Variants in AKAP6 observed in about 807,000 individuals in gnomAD.
The protein encoded by AKAP6 is A-kinase anchor protein 6.
Under a neutral mutation model 188.5 loss-of-function variants are expected in AKAP6, and 58 were observed. The observed-to-expected ratio is 0.31, with a 90% CI of 0.25 to 0.38. The LOEUF is 0.38. Ranked by LOEUF, AKAP6 falls within the 10% of genes least tolerant of loss-of-function variation. The pLI, the probability that AKAP6 is intolerant of heterozygous loss-of-function variation, is 1.00. For synonymous variants in AKAP6, 989 were observed against 998.6 expected (o/e 0.99, Z 0.18); for missense variants, 2,710 against 2,740.0 (o/e 0.99, Z 0.24).
chr14:32,449,768 T>C lies in AKAP6; in HGVS notation c.324+15951T>C, dbSNP rs566751258. Among the ~76,000 whole-genome samples, 16 of 152,290 alleles carry C rather than the reference T, an allele frequency of 1.1e-4. No individual in the cohort carries two copies. In the South Asian group the frequency reaches 3.3e-3, roughly 32 times the overall value. The stretch of plus-strand genomic sequence containing the variant: ...CTGCTAAAATAGTGGAAGGTATTCT[T>C]GAAACTAGATTGGGGCTGTCTTCCA... On this transcript the variant is annotated intron_variant, in intron 2 of 13. Coordinates refer to ENST00000280979, the MANE Select transcript of AKAP6 (RefSeq NM_004274.5).
chr14:32,814,010 TCTC>T (rs530304838), intron 12 of AKAP6, among the ~76,000 whole-genome samples: 67 of 152,132 alleles, frequency 4.4e-4, no homozygotes, highest in Non-Finnish European at 7.9e-4. Flanking sequence ...CCAATTGTGT[TCTC>T]CTTCCAAGAC....
intron 12 of AKAP6, among the ~76,000 whole-genome samples, chr14:32,797,222 T>A (rs1594955167): frequency 1.3e-5 from 2 of 152,186 alleles, no homozygotes; most frequent in East Asian, 3.8e-4. Context: ...AGTGTGGCAA[T>A]TCCTCAAAGA....
chr14:32,821,785 C>T lies in AKAP6; in HGVS notation c.3972C>T (p.Leu1324=), dbSNP rs753210843. ...MTQPNVLTKS[L]SKDSSFSSTK... is the part of the protein sequence containing the mutation. Reference sequence around the variant, plus strand: ...AGCCTAATGTTTTAACTAAGAGTCTCAGTAAAGACTCTTCATTTTCATCTA... The same window carrying T: ...AGCCTAATGTTTTAACTAAGAGTCTTAGTAAAGACTCTTCATTTTCATCTA... The change falls in exon 13 of 14, where the codon CTC becomes CTT. Residue 1324 remains leucine, a synonymous_variant. Transcript: ENST00000280979. 11 of 1,613,748 alleles carry T rather than the reference C, an allele frequency of 6.8e-6. No individual in the cohort carries two copies. Among genetic ancestry groups the T allele is most frequent in the Non-Finnish European group, 9.3e-6 (11 of 1,179,876 alleles).
chr14:32,802,418 AG>A (rs1410562561), intron 12 of AKAP6, among the ~76,000 whole-genome samples: 2 of 152,250 alleles, frequency 1.3e-5, no homozygotes, highest in African/African-American at 2.4e-5. Context: ...TAAATACAAA[AG>A]GTTACTAAAC....
At chr14:32,455,256 C>G (rs925291436) in intron 2 of AKAP6, among the ~76,000 whole-genome samples, 2 of 152,020 alleles carry the variant, frequency 1.3e-5, no homozygotes, top group Non-Finnish European at 2.9e-5. Context: ...GTGTGAGCCA[C>G]CATGCCTGGC....
intron 7 of AKAP6, among the ~76,000 whole-genome samples, chr14:32,659,837 C>A (rs986277600): frequency 6.6e-6 from 1 of 152,082 alleles, no homozygotes; most frequent in Non-Finnish European, 1.5e-5. Flanking sequence ...GACTTTGACT[C>A]TGATAACTTA....
intron 7 of AKAP6, among the ~76,000 whole-genome samples, chr14:32,658,060 C>T (rs371555718): frequency 6.6e-6 from 1 of 152,040 alleles, no homozygotes; most frequent in African/African-American, 2.4e-5. Context: ...GAAGTTTGTG[C>T]TAGTCTGAGA....
intron 5 of AKAP6, among the ~76,000 whole-genome samples, chr14:32,588,894 CCAATATACT>C (rs1885364790): frequency 1.3e-5 from 2 of 152,120 alleles, no homozygotes; most frequent in Non-Finnish European, 2.9e-5. Flanking sequence ...ATAAGAAAAA[CCAATATACT>C]TCTTACAGAG....
chr14:32,677,194 G>T (rs533676456), intron 7 of AKAP6, among the ~76,000 whole-genome samples: 5 of 152,136 alleles, frequency 3.3e-5, no homozygotes, highest in Non-Finnish European at 5.9e-5. Flanking sequence ...TTAAGCAGCT[G>T]CCACTTTATA....
At chr14:32,455,730 C>T (rs1010418488) in intron 2 of AKAP6, among the ~76,000 whole-genome samples, 21 of 152,220 alleles carry the variant, frequency 1.4e-4, no homozygotes, top group East Asian at 9.6e-4. Flanking sequence ...TATGGTAAAC[C>T]TTGTAATCTC....
intron 7 of AKAP6, among the ~76,000 whole-genome samples, chr14:32,615,233 C>A (rs1388348424): frequency 7.0e-6 from 1 of 143,054 alleles, no homozygotes; most frequent in African/African-American, 2.6e-5. Context: ...GATGCTTTCA[C>A]AAGGGTAACA....
chr14:32,723,498 T>C (rs1193351251), intron 9 of AKAP6, among the ~76,000 whole-genome samples: 2 of 152,112 alleles, frequency 1.3e-5, no homozygotes, highest in Non-Finnish European at 2.9e-5. Context: ...TAAAAAGTTT[T>C]AATGCAACAT....
chr14:32,534,794 C>T (rs150376572), intron 2 of AKAP6, among the ~76,000 whole-genome samples: 13 of 151,752 alleles, frequency 8.6e-5, no homozygotes, highest in African/African-American at 2.4e-4. Context: ...GGTGAAACCC[C>T]GTCTGTACTA....
intron 4 of AKAP6, among the ~76,000 whole-genome samples, chr14:32,555,053 T>A (rs1883630607): frequency 6.6e-6 from 1 of 152,214 alleles, no homozygotes; most frequent in Non-Finnish European, 1.5e-5. Context: ...TTGTATTTTG[T>A]CCTAGAGACA....
At chr14:32,447,330 C>A (rs1890788475) in intron 2 of AKAP6, among the ~76,000 whole-genome samples, 1 of 152,148 alleles carries the variant, frequency 6.6e-6, no homozygotes, top group African/African-American at 2.4e-5. Context: ...ATTGCAAATT[C>A]TATTTTGGTC....
At chr14:32,827,762 C>A (rs538467806) in intron 13 of AKAP6, among the ~76,000 whole-genome samples, 1 of 152,126 alleles carries the variant, frequency 6.6e-6, no homozygotes, top group South Asian at 2.1e-4. Flanking sequence ...ATGTACTTTG[C>A]GCTAATCTTT....
intron 1 of AKAP6, among the ~76,000 whole-genome samples, chr14:32,385,439 G>A (rs927155658): frequency 2.7e-5 from 4 of 149,820 alleles, no homozygotes; most frequent in African/African-American, 4.9e-5. Flanking sequence ...GGTTATTGGG[G>A]AACAGGTAGT....
intron 2 of AKAP6, among the ~76,000 whole-genome samples, chr14:32,461,947 T>C (rs1023656403): frequency 3.3e-5 from 5 of 151,506 alleles, no homozygotes; most frequent in African/African-American, 1.2e-4. Context: ...CAAGTATCAA[T>C]AGCCAAATCA....
chr14:32,572,235 T>C (rs1884522858), intron 4 of AKAP6, among the ~76,000 whole-genome samples: 1 of 152,198 alleles, frequency 6.6e-6, no homozygotes, highest in South Asian at 2.1e-4. Flanking sequence ...AGTTTCCTCA[T>C]CTGTAAAATG....
Sources: allele counts gnomAD v4.1 joint callset (sites outside exome capture counted in the v4.1 genomes callset), GRCh38; gene constraint gnomAD v4.1.1; transcripts MANE v1.5; gene names NCBI Gene and HGNC (gene_info 2026-07-23, HGNC 2026-07-21).